NKAIN2: variants seen among roughly 807,000 people sequenced by gnomAD.
NKAIN2 encodes sodium/potassium-transporting ATPase subunit beta-1-interacting protein 2.
Under a neutral mutation model 32.6 loss-of-function variants are expected in NKAIN2, and 14 were observed. The ratio of observed to expected loss-of-function variants is 0.43; its 90% CI spans 0.28 to 0.67. NKAIN2 has a LOEUF of 0.67. Ranked by LOEUF, NKAIN2 falls within the 30% of genes least tolerant of loss-of-function variation. The probability of loss-of-function intolerance (pLI) is 0.17; values close to 1 mark genes in which losing one functional copy is unlikely to be tolerated. For missense variants in NKAIN2, 198 were observed against 258.3 expected (o/e 0.77, Z 1.60); for synonymous variants, 80 against 87.2 (o/e 0.92, Z 0.46).
chr6:124,232,327 G>A (rs1373165724), intron 1 of NKAIN2, among the ~76,000 whole-genome samples: 1 of 152,122 alleles, frequency 6.6e-6, no homozygotes, highest in Non-Finnish European at 1.5e-5. Context: ...ACTAGAAAAG[G>A]CCAAGTGAAT....
chr6:124,497,133 A>C (rs982603597), intron 3 of NKAIN2, among the ~76,000 whole-genome samples: 1 of 152,198 alleles, frequency 6.6e-6, no homozygotes, highest in African/African-American at 2.4e-5. Flanking sequence ...ATCTGAAAAC[A>C]TATAAAAGAT....
In NKAIN2 at chr6:124,709,716, T is replaced by A. The variant is rs566865091; in HGVS notation, c.474+51330T>A. Among the ~76,000 whole-genome samples, 259 of 151,128 alleles carry A rather than the reference T, an allele frequency of 1.7e-3. 6 individuals are homozygous for A. Among genetic ancestry groups the A allele is most frequent in the Middle Eastern group, 0.017 (5 of 294 alleles). Reference sequence around the variant, plus strand: ...TTTATCATTTTTTATTGCGTCTATTTGATTCTTCTCTTTTTTCTTTATTGC... The same window carrying A: ...TTTATCATTTTTTATTGCGTCTATTAGATTCTTCTCTTTTTTCTTTATTGC... On this transcript the variant is annotated intron_variant, in intron 4 of 6. Coordinates refer to ENST00000368417, the MANE Select transcript of NKAIN2 (RefSeq NM_001040214.3).
chr6:124,663,027 A>G (rs1784802609), intron 4 of NKAIN2, among the ~76,000 whole-genome samples: 1 of 152,186 alleles, frequency 6.6e-6, no homozygotes, highest in Admixed American at 6.5e-5. Flanking sequence ...CCATGGGACT[A>G]TCCTTTGTTA....
At chr6:124,135,339 G>A (rs1362857826) in intron 1 of NKAIN2, among the ~76,000 whole-genome samples, 1 of 151,724 alleles carries the variant, frequency 6.6e-6, no homozygotes, top group Non-Finnish European at 1.5e-5. Flanking sequence ...ACGGCAGATG[G>A]AAAAAATTCC....
At chr6:123,840,893 CTAG>C (rs1394253821) in intron 1 of NKAIN2, among the ~76,000 whole-genome samples, 1 of 152,030 alleles carries the variant, frequency 6.6e-6, no homozygotes, top group Non-Finnish European at 1.5e-5. Context: ...AAAGTGTAGT[CTAG>C]ATAGGATTTT....
At chr6:124,081,034 A>G (rs947845610) in intron 1 of NKAIN2, among the ~76,000 whole-genome samples, 5 of 152,158 alleles carry the variant, frequency 3.3e-5, no homozygotes, top group Non-Finnish European at 7.4e-5. Flanking sequence ...ATATGAAGGT[A>G]TAGATAACAT....
intron 1 of NKAIN2, among the ~76,000 whole-genome samples, chr6:123,922,637 T>C (rs1197136368): frequency 6.6e-6 from 1 of 152,162 alleles, no homozygotes; most frequent in Admixed American, 6.6e-5. Flanking sequence ...TTATAAAATA[T>C]AGTGTCTGGC....
intron 3 of NKAIN2, among the ~76,000 whole-genome samples, chr6:124,623,934 C>T (rs1783203399): frequency 6.6e-6 from 1 of 152,116 alleles, no homozygotes; most frequent in African/African-American, 2.4e-5. Flanking sequence ...TCTTGACTGG[C>T]CCTACTTGAA....
chr6:124,631,469 C>T (rs1783564623), intron 3 of NKAIN2, among the ~76,000 whole-genome samples: 1 of 152,122 alleles, frequency 6.6e-6, no homozygotes, highest in Non-Finnish European at 1.5e-5. Flanking sequence ...GATTGTTAGT[C>T]TCTGTCTTAT....
intron 3 of NKAIN2, among the ~76,000 whole-genome samples, chr6:124,379,598 G>A (rs1044233433): frequency 2.6e-5 from 4 of 152,238 alleles, no homozygotes; most frequent in Middle Eastern, 3.4e-3. Flanking sequence ...TGGGACAGAG[G>A]CTTGGAAAAG....
At chr6:124,564,893 T>A (rs1780845279) in intron 3 of NKAIN2, among the ~76,000 whole-genome samples, 1 of 152,184 alleles carries the variant, frequency 6.6e-6, no homozygotes, top group Admixed American at 6.5e-5. Context: ...GTAAGGTAAA[T>A]CAGACCTAAA....
chr6:124,064,041 C>T (rs779498497), intron 1 of NKAIN2, among the ~76,000 whole-genome samples: 2 of 151,660 alleles, frequency 1.3e-5, no homozygotes, highest in Non-Finnish European at 2.9e-5. Flanking sequence ...TGCTCTGCCT[C>T]CCGGGTTCAC....
At chr6:123,885,021 A>G (rs1268609712) in intron 1 of NKAIN2, among the ~76,000 whole-genome samples, 1 of 152,156 alleles carries the variant, frequency 6.6e-6, no homozygotes, top group East Asian at 1.9e-4. Flanking sequence ...TATTAAATTC[A>G]CAAGGTTTGG....
chr6:124,616,567 C>T (rs1220964900), intron 3 of NKAIN2, among the ~76,000 whole-genome samples: 1 of 144,300 alleles, frequency 6.9e-6, no homozygotes, highest in African/African-American at 2.6e-5. Context: ...CAGGTTCACG[C>T]CATTCTCCTG....
At chr6:124,003,496 C>T (rs150682989) in intron 1 of NKAIN2, among the ~76,000 whole-genome samples, 303 of 152,274 alleles carry the variant, frequency 2.0e-3, no homozygotes, top group African/African-American at 7.0e-3. Context: ...TGATGGAATG[C>T]AAATTCTTCA....
At chr6:124,491,827 A>G (rs1777875239) in intron 3 of NKAIN2, among the ~76,000 whole-genome samples, 1 of 151,964 alleles carries the variant, frequency 6.6e-6, no homozygotes, top group Admixed American at 6.6e-5. Context: ...AAAGTGTTGA[A>G]TATTTTAATT....
intron 2 of NKAIN2, among the ~76,000 whole-genome samples, chr6:124,324,594 C>T (rs9491125): frequency 0.022 from 3,400 of 152,038 alleles, 108 homozygotes; most frequent in African/African-American, 0.076. Context: ...GCTAGAAATT[C>T]TAGTACTGTG....
At chr6:124,054,408 A>G (rs955479226) in intron 1 of NKAIN2, among the ~76,000 whole-genome samples, 1 of 152,096 alleles carries the variant, frequency 6.6e-6, no homozygotes, top group African/African-American at 2.4e-5. Flanking sequence ...GAATTGGACC[A>G]AGGGCCTAAG....
At chr6:123,917,954 T>C (rs965018966) in intron 1 of NKAIN2, among the ~76,000 whole-genome samples, 1 of 152,146 alleles carries the variant, frequency 6.6e-6, no homozygotes, top group Admixed American at 6.6e-5. Flanking sequence ...GAGTTAAACA[T>C]AGCCACCGTT....
Sources: allele counts gnomAD v4.1 joint callset (sites outside exome capture counted in the v4.1 genomes callset), GRCh38; gene constraint gnomAD v4.1.1; transcripts MANE v1.5; gene names NCBI Gene and HGNC (gene_info 2026-07-23, HGNC 2026-07-21).